The following SPDL1 variants were observed in gnomAD, a reference collection of about 807,000 sequenced individuals.
The protein encoded by SPDL1 is protein Spindly.
Under a neutral mutation model 79.5 loss-of-function variants are expected in SPDL1, and 85 were observed. The observed-to-expected ratio is 1.07, with a 90% CI of 0.90 to 1.28. The LOEUF is 1.28. Ranked by LOEUF, SPDL1 falls within the 50% of genes most tolerant of loss-of-function variation. The pLI is 0.00. For synonymous variants in SPDL1, 269 were observed against 240.3 expected, an observed-to-expected ratio of 1.12 and a Z score of -1.10; for missense variants, 703 against 697.8, an observed-to-expected ratio of 1.01 and a Z score of -0.08.
chr5:169,594,257 G>A lies in SPDL1; in HGVS notation c.644G>A (p.Arg215Gln), dbSNP rs760257386. 18 of 1,613,900 alleles carry A rather than the reference G, an allele frequency of 1.1e-5. No homozygotes were observed. Among genetic ancestry groups the A allele is most frequent in the East Asian group, 2.2e-5 (1 of 44,890 alleles). Residue 215 changes from arginine (R) to glutamine (Q), a missense_variant, in exon 5 of 12, where the codon CGA becomes CAA. Arg to Gln is a conservative substitution (Grantham distance 43). Transcript: ENST00000265295. Reference protein sequence around the residue: ...VDRLKEEKEEREKEAVSYYNA... With the variant: ...VDRLKEEKEEQEKEAVSYYNA... ...CGGCTTAAAGAGGAAAAAGAGGAGC[G>A]AGAGAAAGAAGCAGTTTCTTACTAT...
In SPDL1 at chr5:169,601,502, C is replaced by A; in HGVS notation, c.1547C>A (p.Pro516His). ...TACACACCAGTAGTCAGTCTCTCTC[C>A]TCACAAAAATCTGCCCGTGGATATG... is the stretch of plus-strand genomic sequence containing the variant. The part of the protein sequence containing the change: ...SIYTPVVSLS[P>H]HKNLPVDMQL... The change falls in exon 11 of 12, where the codon CCT (proline) becomes CAT (histidine). Residue 516 changes from proline (P) to histidine (H), a missense_variant. By Grantham distance (77) the Pro-to-His change is moderately conservative. Transcript: ENST00000265295. 1 of 1,614,104 alleles carries A rather than the reference C, an allele frequency of 6.2e-7. No homozygotes were observed. Among genetic ancestry groups the A allele is most frequent in the Non-Finnish European group, 8.5e-7 (1 of 1,180,004 alleles).
intron 2 of SPDL1, chr5:169,590,772 C>T (rs1365388982): frequency 2.0e-5 from 10 of 501,756 alleles, no homozygotes; most frequent in African/African-American, 3.9e-5. Context: ...CTTGACTTGA[C>T]GTGTTGACAT....
chr5:169,584,911 G>A (rs1475823110), intron 1 of SPDL1, among the ~76,000 whole-genome samples: 1 of 152,102 alleles, frequency 6.6e-6, no homozygotes, highest in Non-Finnish European at 1.5e-5. Context: ...TCGGGAGGCT[G>A]AGGCAGGAGA....
rs773814899 is a variant in SPDL1, at chr5:169,593,593, T to A, written c.531+45T>A. ...TTTCTCAGGGTTTTCTCTTTTTTTTTCTGGCATATTTTTACATGTTTTGGT... is the reference window on the plus strand; with the variant it reads ...TTTCTCAGGGTTTTCTCTTTTTTTTACTGGCATATTTTTACATGTTTTGGT... On this transcript the variant is annotated intron_variant, in intron 4 of 11. Coordinates refer to ENST00000265295, the MANE Select transcript of SPDL1 (RefSeq NM_017785.5). 4.0e-6 allele frequency: 6 copies of A among 1,507,068 alleles called. No individual in the cohort carries two copies. In the African/African-American group the frequency reaches 7.1e-5, roughly 18 times the overall value. 93.4% of individuals were successfully genotyped at this position (1,507,068 alleles called of 1,614,324 possible). A position where few individuals can be genotyped will look rare whatever the true frequency, so the allele number is the denominator to read the frequency against.
chr5:169,600,950 T>C (rs1023994862), intron 10 of SPDL1, among the ~76,000 whole-genome samples: 3 of 152,214 alleles, frequency 2.0e-5, no homozygotes, highest in Non-Finnish European at 4.4e-5. Context: ...GAACCTGGAC[T>C]CTGCCGCTGT....
At position 169,583,817 on chromosome 5, in the gene SPDL1, G is replaced by A. The variant is rs1442690087; in HGVS notation, c.-96G>A. On this transcript the variant is annotated 5_prime_UTR_variant, in exon 1 of 12. The change abolishes the stop of an existing upstream ORF in the 5' untranslated region. Coordinates refer to ENST00000265295, the MANE Select transcript of SPDL1 (RefSeq NM_017785.5). Reference sequence around the variant, plus strand: ...GAATGGGCCGGCGACTGTGGAGTTAGCGTCCTCAATGTGGACGCCCTGAGC... The same window carrying A: ...GAATGGGCCGGCGACTGTGGAGTTAACGTCCTCAATGTGGACGCCCTGAGC... 2 of 152,336 alleles carry A rather than the reference G, an allele frequency of 1.3e-5. No individual in the cohort carries two copies. The highest frequency in any genetic ancestry group is 2.9e-5 in the Non-Finnish European group (2 of 68,108). 9.4% of individuals were successfully genotyped at this position (152,336 alleles called of 1,614,324 possible).
At chr5:169,600,566 C>T (rs1437638495) in intron 10 of SPDL1, among the ~76,000 whole-genome samples, 4 of 152,064 alleles carry the variant, frequency 2.6e-5, no homozygotes, top group Non-Finnish European at 5.9e-5. Flanking sequence ...TGAAACACAT[C>T]GATAATGGGC....
intron 11 of SPDL1, among the ~76,000 whole-genome samples, 175 bp from the exon 12 acceptor site, chr5:169,603,885 G>A (rs1406970538): frequency 1.3e-5 from 2 of 152,126 alleles, no homozygotes; most frequent in African/African-American, 2.4e-5. Context: ...TGAGCCTATT[G>A]ATATAAAAAG....
chr5:169,585,258 T>C (rs1200119007), intron 1 of SPDL1, among the ~76,000 whole-genome samples: 1 of 136,476 alleles, frequency 7.3e-6, no homozygotes, highest in East Asian at 1.9e-4. Flanking sequence ...CATACATCTG[T>C]CTCTCTTGCA....
At position 169,594,392 on chromosome 5, in the gene SPDL1, A is replaced by T; in HGVS notation, c.682-2A>T. On this transcript the variant is annotated splice_acceptor_variant, in intron 5 of 11. Transcript: ENST00000265295. LOFTEE classifies it high-confidence loss of function. ...GCCTAAATTGTTTTCTTTTGAATTT[A>T]GAAAGCTCGTGTAGCAAATCAAGAT... 6.2e-7 allele frequency: 1 copy of T among 1,613,980 alleles called. No homozygotes were observed. The highest frequency in any genetic ancestry group is 8.5e-7 in the Non-Finnish European group (1 of 1,179,872).
At chr5:169,592,808 T>G (rs1375579923) in intron 3 of SPDL1, among the ~76,000 whole-genome samples, 1 of 146,484 alleles carries the variant, frequency 6.8e-6, no homozygotes, top group African/African-American at 2.5e-5. Flanking sequence ...GAGATGGCTT[T>G]TTTTTTTTTT....
In SPDL1 at chr5:169,601,384, G is replaced by T. The variant is rs780719155; in HGVS notation, c.1429G>T (p.Val477Phe). ...CVNNSALGGE[V>F]YRLPPQKEET... ...CAACAACAGTGCTCTCGGGGGAGAA[G>T]TTTATCGATTACCGCCTCAGAAAGA... The change falls in exon 11 of 12, where the codon GTT becomes TTT. Residue 477 changes from valine (V) to phenylalanine (F), a missense_variant. Physicochemically the swap from Val to Phe is conservative, Grantham distance 50. Coordinates refer to ENST00000265295, the MANE Select transcript of SPDL1 (RefSeq NM_017785.5). 7.4e-6 allele frequency: 12 copies of T among 1,613,906 alleles called. No homozygotes were observed. The highest frequency in any genetic ancestry group is 1.3e-5 in the African/African-American group (1 of 74,846).
chr5:169,600,974 C>G (rs1016632855), intron 10 of SPDL1, among the ~76,000 whole-genome samples: 9 of 152,178 alleles, frequency 5.9e-5, no homozygotes, highest in Non-Finnish European at 2.9e-5. Flanking sequence ...TTCATCTCCA[C>G]ACTGAGATCT....
Position 169,594,655 on chromosome 5 carries a change from A to C in SPDL1, c.865A>C (p.Asn289His). The C allele has an allele frequency of 6.2e-7, 1 of 1,613,032 alleles. No homozygotes were observed. Among genetic ancestry groups the C allele is most frequent in the South Asian group, 1.1e-5 (1 of 91,030 alleles). Residue 289 changes from asparagine (N) to histidine (H), a missense_variant, in exon 7 of 12, where the codon AAC (asparagine) becomes CAC (histidine). Transcript: ENST00000265295. ...GTCACTAAAGAAGCAAAATGTATTT[A>C]ACAGAGAACAGATGCAGAGAATGAA... ...YQSLKKQNVF[N>H]REQMQRMKLQ...
At position 169,592,979 on chromosome 5, in the gene SPDL1, A is replaced by G. The variant is rs867113337; in HGVS notation, c.337-375A>G. Among the ~76,000 whole-genome samples, 52 of 152,184 alleles carry G rather than the reference A, an allele frequency of 3.4e-4. 1 individual carries two copies. Among genetic ancestry groups the G allele is most frequent in the African/African-American group, 1.2e-3 (49 of 41,512 alleles). On this transcript the variant is annotated intron_variant, in intron 3 of 11. Coordinates refer to ENST00000265295, the MANE Select transcript of SPDL1 (RefSeq NM_017785.5). ...TAAGAACTTGACCTACAAAACATCTATGACGCTACTGCCACTCCAATCCAG... is the reference window on the plus strand; with the variant it reads ...TAAGAACTTGACCTACAAAACATCTGTGACGCTACTGCCACTCCAATCCAG...
At chr5:169,593,127 T>G (rs1321709980) in intron 3 of SPDL1, among the ~76,000 whole-genome samples, 1 of 152,142 alleles carries the variant, frequency 6.6e-6, no homozygotes, top group Non-Finnish European at 1.5e-5. Flanking sequence ...TCATAGTGCC[T>G]CCAGATTGCT....
At chr5:169,592,039 C>G (rs1755313791) in intron 3 of SPDL1, among the ~76,000 whole-genome samples, 1 of 152,122 alleles carries the variant, frequency 6.6e-6, no homozygotes, top group Non-Finnish European at 1.5e-5. Flanking sequence ...CCAAAACTTG[C>G]CTGACTTTTG....
In SPDL1 at chr5:169,593,559, T is replaced by C. The variant is rs1755413955; in HGVS notation, c.531+11T>C. On this transcript the variant is annotated intron_variant, in intron 4 of 11. Transcript: ENST00000265295. ...ATGGAGAGTATGAAGGTAATTTTTA[T>C]GGCATGTGTTTCTCAGGGTTTTCTC... The C allele has an allele frequency of 6.4e-7, 1 of 1,554,900 alleles. No homozygotes were observed. Among genetic ancestry groups the C allele is most frequent in the Non-Finnish European group, 8.7e-7 (1 of 1,153,100 alleles).
At chr5:169,602,178 T>G (rs868656850) in intron 11 of SPDL1, among the ~76,000 whole-genome samples, 32 of 152,340 alleles carry the variant, frequency 2.1e-4, no homozygotes, top group Admixed American at 1.2e-3. Flanking sequence ...TAATTGAGTT[T>G]GTGACTAAAA....
Sources: gnomAD v4.1 joint callset for allele counts (sites outside exome capture counted in the v4.1 genomes callset) on GRCh38, gnomAD v4.1.1 for gene constraint, MANE v1.5 for transcripts, NCBI Gene and HGNC (gene_info 2026-07-23, HGNC 2026-07-21) for gene names.